The following ATP8A2 variants were observed in gnomAD, a reference collection of about 807,000 sequenced individuals.
ATP8A2 encodes the protein ATPase phospholipid transporting 8A2.
Under a neutral mutation model 165.6 loss-of-function variants are expected in ATP8A2, and 100 were observed. The observed-to-expected ratio is 0.60, with a 90% CI of 0.51 to 0.71. ATP8A2 has a LOEUF of 0.71. Among genes scored for constraint, ATP8A2 ranks in the 30% least tolerant of loss-of-function variants. The pLI, the probability that ATP8A2 is intolerant of heterozygous loss-of-function variation, is 0.00. For synonymous variants in ATP8A2, 543 were observed against 548.8 expected (o/e 0.99, Z 0.15); for missense variants, 1,227 against 1,479.5 (o/e 0.83, Z 2.80).
At chr13:25,469,221 C>T (rs1216465398) in intron 2 of ATP8A2, 100 bp downstream of exon 2, 12 of 1,417,698 alleles carry the variant, frequency 8.5e-6, no homozygotes, top group Non-Finnish European at 1.0e-5. Flanking sequence ...TGGCCGGCCC[C>T]CGTCCATCTC....
At chr13:25,485,455 T>A (rs766232905) in intron 2 of ATP8A2, among the ~76,000 whole-genome samples, 1 of 152,392 alleles carries the variant, frequency 6.6e-6, no homozygotes, top group African/African-American at 2.4e-5. Flanking sequence ...CACTGCTTTA[T>A]CTAAATGTGT....
At chr13:25,559,922 GATTCAAGT>G (rs1192964219) in intron 15 of ATP8A2, among the ~76,000 whole-genome samples, 157 bp downstream of exon 15, 1 of 152,116 alleles carries the variant, frequency 6.6e-6, no homozygotes, top group African/African-American at 2.4e-5. Context: ...CGAACTCCTG[GATTCAAGT>G]GATCCTCCTG....
chr13:25,672,616 T>A (rs1052757992), intron 24 of ATP8A2, among the ~76,000 whole-genome samples: 1 of 152,198 alleles, frequency 6.6e-6, no homozygotes, highest in African/African-American at 2.4e-5. Flanking sequence ...TGGCTGCTAT[T>A]TATTTTCTTC....
Position 26,025,278 on chromosome 13 carries a change from G to C in ATP8A2, c.*5293G>C, listed in dbSNP as rs573416302. 6.6e-6 allele frequency: 1 copy of C among 152,150 alleles called. No homozygotes were observed. Among genetic ancestry groups the C allele is most frequent in the East Asian group, 1.9e-4 (1 of 5,156 alleles). The allele number at this position is 152,150 out of a possible 1,614,324, so 9.4% of individuals were successfully genotyped here. On this transcript the variant is annotated 3_prime_UTR_variant, in exon 37 of 37. Transcript: ENST00000381655. ...CTCCCCTCCCGCCCCACTCTCCCCC[G>C]TTGCCCGAGATGGCCAAGTTCAGGC...
intron 2 of ATP8A2, chr13:25,517,082 C>CT (rs2037500408): frequency 2.6e-5 from 3 of 116,928 alleles, no homozygotes; most frequent in African/African-American, 7.1e-5. Context: ...TGCCTGGTCA[C>CT]ATTTTTTTTT....
At chr13:25,581,985 A>G in intron 23 of ATP8A2, 28 bp downstream of exon 23, 2 of 1,585,646 alleles carry the variant, frequency 1.3e-6, no homozygotes, top group South Asian at 2.3e-5. Context: ...TAATTTCCTG[A>G]TGCTGGGTTT....
intron 1 of ATP8A2, among the ~76,000 whole-genome samples, chr13:25,416,188 A>C (rs933825040): frequency 6.6e-6 from 1 of 151,460 alleles, no homozygotes; most frequent in African/African-American, 2.4e-5. Context: ...ACCTCCACCC[A>C]CCCCCTAGAT....
chr13:25,429,934 G>A (rs1593295925), intron 1 of ATP8A2, among the ~76,000 whole-genome samples: 2 of 152,184 alleles, frequency 1.3e-5, no homozygotes, highest in South Asian at 2.1e-4. Flanking sequence ...AGGGATGGCT[G>A]TGGGGATTTT....
intron 2 of ATP8A2, among the ~76,000 whole-genome samples, chr13:25,528,084 G>C (rs1482666849): frequency 6.6e-6 from 1 of 152,250 alleles, no homozygotes; most frequent in East Asian, 1.9e-4. Flanking sequence ...TGTATTGTGA[G>C]CTATCACATA....
intron 1 of ATP8A2, among the ~76,000 whole-genome samples, chr13:25,419,097 G>T (rs781444336): frequency 1.3e-5 from 2 of 152,182 alleles, no homozygotes; most frequent in Non-Finnish European, 2.9e-5. Flanking sequence ...GTGCACGCAC[G>T]TGTTGAGGAA....
intron 25 of ATP8A2, among the ~76,000 whole-genome samples, chr13:25,753,167 C>T (rs1290581776): frequency 6.6e-6 from 1 of 152,152 alleles, no homozygotes; most frequent in Non-Finnish European, 1.5e-5. Context: ...AAAGGGTAGC[C>T]TGGTGGCCAA....
intron 25 of ATP8A2, among the ~76,000 whole-genome samples, chr13:25,737,479 T>A (rs1174057061): frequency 1.3e-5 from 2 of 152,050 alleles, no homozygotes; most frequent in Admixed American, 6.6e-5. Flanking sequence ...CAAAACAGAC[T>A]CTGTTTTTGC....
At chr13:25,512,999 G>A (rs1485931142) in intron 2 of ATP8A2, among the ~76,000 whole-genome samples, 29 of 135,044 alleles carry the variant, frequency 2.1e-4, no homozygotes, top group African/African-American at 1.1e-4. Flanking sequence ...GTGGCTGGCC[G>A]GGCGGGGGGC....
At chr13:25,901,899 G>A (rs560819858) in intron 33 of ATP8A2, among the ~76,000 whole-genome samples, 31 of 152,294 alleles carry the variant, frequency 2.0e-4, no homozygotes, top group African/African-American at 5.3e-4. Flanking sequence ...TTAAACATGC[G>A]TATAAAGATG....
chr13:25,844,358 G>A (rs2138679857), intron 30 of ATP8A2, among the ~76,000 whole-genome samples: 1 of 152,126 alleles, frequency 6.6e-6, no homozygotes, highest in Non-Finnish European at 1.5e-5. Context: ...AGCCTCCTGA[G>A]TAGCTGGAAT....
At chr13:25,601,715 C>A (rs945192890) in intron 24 of ATP8A2, among the ~76,000 whole-genome samples, 1 of 152,194 alleles carries the variant, frequency 6.6e-6, no homozygotes, top group Non-Finnish European at 1.5e-5. Flanking sequence ...AGTGATCCAC[C>A]CACCTTGGCC....
At chr13:25,717,687 A>ATT in intron 25 of ATP8A2, among the ~76,000 whole-genome samples, 1 of 152,338 alleles carries the variant, frequency 6.6e-6, no homozygotes, top group East Asian at 1.9e-4. Context: ...AATAGACCAA[A>ATT]ACCACTTTCT....
chr13:25,664,126 C>G lies in ATP8A2; in HGVS notation c.2212-35047C>G, dbSNP rs148313741. On this transcript the variant is annotated intron_variant, in intron 24 of 36. Coordinates refer to ENST00000381655, the MANE Select transcript of ATP8A2 (RefSeq NM_016529.6). ...CGGGAGCCTGAGGTGGGAGGATGGCCTGAGTCTGGGAGGGCAACAGAGCCA... is the reference window on the plus strand; with the variant it reads ...CGGGAGCCTGAGGTGGGAGGATGGCGTGAGTCTGGGAGGGCAACAGAGCCA... 2.0e-4 allele frequency among the ~76,000 whole-genome samples: 30 copies of G among 152,150 alleles called. No homozygotes were observed. In the East Asian group the frequency reaches 3.1e-3, roughly 16 times the overall value.
intron 2 of ATP8A2, among the ~76,000 whole-genome samples, chr13:25,501,463 T>C (rs537170105): frequency 6.6e-6 from 1 of 152,268 alleles, no homozygotes; most frequent in South Asian, 2.1e-4. Context: ...GAGAGTTTCC[T>C]AAGGGAGGCA....
Sources: allele counts gnomAD v4.1 joint callset (sites outside exome capture counted in the v4.1 genomes callset), GRCh38; gene constraint gnomAD v4.1.1; transcripts MANE v1.5; gene names NCBI Gene and HGNC (gene_info 2026-07-23, HGNC 2026-07-21).